Variants in CNTLN observed in about 807,000 individuals in gnomAD.
CNTLN encodes centlein, also known as centlein, centrosomal protein.
CNTLN carries 212 observed loss-of-function variants against 180.0 expected under a neutral mutation model. The ratio of observed to expected loss-of-function variants is 1.18; its 90% CI spans 1.05 to 1.32. The LOEUF is 1.32. Ranked by LOEUF, CNTLN falls within the 40% of genes most tolerant of loss-of-function variation. The pLI is 0.00. For missense variants in CNTLN, 2,095 were observed against 1,610.9 expected (o/e 1.30, Z -5.14); for synonymous variants, 722 against 563.1 (o/e 1.28, Z -3.99).
chr9:17,323,172 A>G (rs929027346), intron 8 of CNTLN, among the ~76,000 whole-genome samples: 1 of 152,164 alleles, frequency 6.6e-6, no homozygotes, highest in Non-Finnish European at 1.5e-5. Flanking sequence ...CTGGATAAAA[A>G]TATCCATGTG....
intron 16 of CNTLN, among the ~76,000 whole-genome samples, chr9:17,414,662 G>GCTT (rs1413856964): frequency 6.6e-6 from 1 of 152,054 alleles, no homozygotes; most frequent in Admixed American, 6.6e-5. Context: ...TTAGATATAG[G>GCTT]CTTCTGTTCC....
chr9:17,194,400 C>G (rs201341712), intron 2 of CNTLN, among the ~76,000 whole-genome samples: 1 of 152,188 alleles, frequency 6.6e-6, no homozygotes, highest in South Asian at 2.1e-4. Context: ...AGAAATTTCT[C>G]CTGCCAGATA....
intron 2 of CNTLN, among the ~76,000 whole-genome samples, chr9:17,189,142 G>A (rs1317418335): frequency 7.2e-6 from 1 of 139,094 alleles, no homozygotes; most frequent in Non-Finnish European, 1.5e-5. Flanking sequence ...GAGTGCAGTG[G>A]CGTGATCTCG....
At chr9:17,199,292 A>T (rs1587111288) in intron 2 of CNTLN, among the ~76,000 whole-genome samples, 2 of 145,946 alleles carry the variant, frequency 1.4e-5, no homozygotes, top group African/African-American at 5.1e-5. Flanking sequence ...GCTCACTGCA[A>T]CCTCTGCCTC....
chr9:17,154,073 C>G (rs950993796), intron 2 of CNTLN, among the ~76,000 whole-genome samples: 1 of 152,056 alleles, frequency 6.6e-6, no homozygotes, highest in Admixed American at 6.6e-5. Context: ...TTTCAAGGTT[C>G]TTAGCTTCCT....
intron 2 of CNTLN, among the ~76,000 whole-genome samples, chr9:17,207,806 G>T (rs1052548582): frequency 7.2e-5 from 11 of 151,928 alleles, no homozygotes; most frequent in African/African-American, 2.7e-4. Context: ...CCCCTCCCTT[G>T]TATGCTGACT....
chr9:17,397,851 T>C (rs1826658134), intron 15 of CNTLN, among the ~76,000 whole-genome samples: 1 of 152,148 alleles, frequency 6.6e-6, no homozygotes. Flanking sequence ...TACACCATGA[T>C]TAGTGTTACA....
At chr9:17,266,200 C>T (rs931497091) in intron 5 of CNTLN, among the ~76,000 whole-genome samples, 3 of 152,110 alleles carry the variant, frequency 2.0e-5, no homozygotes, top group African/African-American at 7.2e-5. Context: ...CTTCTACACA[C>T]TGCTTTGAAT....
intron 25 of CNTLN, among the ~76,000 whole-genome samples, chr9:17,499,385 C>A (rs1022503566): frequency 1.3e-5 from 2 of 152,166 alleles, no homozygotes; most frequent in African/African-American, 4.8e-5. Flanking sequence ...GAAAATTCCA[C>A]TCTTAGCCAT....
chr9:17,470,270 G>C (rs767791215), intron 23 of CNTLN, among the ~76,000 whole-genome samples: 1 of 151,794 alleles, frequency 6.6e-6, no homozygotes, highest in African/African-American at 2.4e-5. Flanking sequence ...AAAACTCTGT[G>C]AACAGTGAGA....
intron 12 of CNTLN, among the ~76,000 whole-genome samples, chr9:17,359,209 G>C (rs117364232): frequency 0.028 from 4,196 of 152,038 alleles, 99 homozygotes; most frequent in Non-Finnish European, 0.04. Flanking sequence ...TGTAGAGATA[G>C]GGTTATGCCA....
chr9:17,284,662 C>A (rs901407906), intron 6 of CNTLN, among the ~76,000 whole-genome samples: 1 of 151,928 alleles, frequency 6.6e-6, no homozygotes, highest in African/African-American at 2.4e-5. Context: ...TCTTATTAGT[C>A]TAGCTTGCAG....
intron 8 of CNTLN, among the ~76,000 whole-genome samples, chr9:17,310,476 G>C (rs1237488863): frequency 6.6e-6 from 1 of 152,112 alleles, no homozygotes; most frequent in Non-Finnish European, 1.5e-5. Flanking sequence ...TGTATCTCTA[G>C]ATGAGAACTT....
chr9:17,262,638 C>A (rs1014396022), intron 5 of CNTLN, among the ~76,000 whole-genome samples: 1 of 151,314 alleles, frequency 6.6e-6, no homozygotes, highest in Admixed American at 6.6e-5. Context: ...TCGGGGTTAA[C>A]ACCTAGTTGA....
At chr9:17,282,614 C>G (rs1406520091) in intron 6 of CNTLN, among the ~76,000 whole-genome samples, 2 of 152,066 alleles carry the variant, frequency 1.3e-5, no homozygotes, top group Non-Finnish European at 2.9e-5. Context: ...TCCATTTTTG[C>G]TTTTGTTACA....
intron 5 of CNTLN, among the ~76,000 whole-genome samples, chr9:17,273,208 A>T (rs2132511284): frequency 6.6e-6 from 1 of 152,264 alleles, no homozygotes; most frequent in East Asian, 1.9e-4. Flanking sequence ...CAGGAGGAAA[A>T]GATCAGCTTT....
chr9:17,139,830 G>A (rs1295835661), intron 1 of CNTLN, among the ~76,000 whole-genome samples: 1 of 152,040 alleles, frequency 6.6e-6, no homozygotes, highest in African/African-American at 2.4e-5. Context: ...TCAGCCTCCA[G>A]AGTAGCTAGG....
At chr9:17,274,879 A>G (rs941807498) in intron 6 of CNTLN, among the ~76,000 whole-genome samples, 2 of 152,058 alleles carry the variant, frequency 1.3e-5, no homozygotes, top group Non-Finnish European at 2.9e-5. Flanking sequence ...GCCATTGTGA[A>G]TTTAGTTTGG....
Position 17,282,848 on chromosome 9 carries a change from C to A in CNTLN, c.983+8982C>A, listed in dbSNP as rs113798031. On this transcript the variant is annotated intron_variant, in intron 6 of 25. Transcript: ENST00000380647. ...AGCAGCATTTATTAAATAGAGAATCCTTTCCCCATTGCTTGTTTTTGTCAG... is the reference window on the plus strand; with the variant it reads ...AGCAGCATTTATTAAATAGAGAATCATTTCCCCATTGCTTGTTTTTGTCAG... Among the ~76,000 whole-genome samples, 1,363 of 152,228 alleles carry A rather than the reference C, an allele frequency of 9.0e-3. 22 individuals carry two copies. The highest frequency in any genetic ancestry group is 0.031 in the African/African-American group (1,280 of 41,540).
Sources: allele counts gnomAD v4.1 joint callset (sites outside exome capture counted in the v4.1 genomes callset), GRCh38; gene constraint gnomAD v4.1.1; transcripts MANE v1.5; gene names NCBI Gene and HGNC (gene_info 2026-07-23, HGNC 2026-07-21).